Variants in IFT46 observed in about 807,000 individuals in gnomAD.
The protein encoded by IFT46 is intraflagellar transport protein 46 homolog.
In IFT46, 19 loss-of-function variants were observed where a neutral mutation model predicts 39.6. That is an observed-to-expected ratio of 0.48 (90% CI 0.33 to 0.70). IFT46 has a LOEUF of 0.70. IFT46 is among the 30% of genes least tolerant of loss of function. The pLI, the probability that IFT46 is intolerant of heterozygous loss-of-function variation, is 0.01. For synonymous variants in IFT46, 117 were observed against 134.8 expected, an observed-to-expected ratio of 0.87 and a Z score of 0.91; for missense variants, 334 against 364.8, an observed-to-expected ratio of 0.92 and a Z score of 0.69.
At chr11:118,557,946 A>G (rs1467740110) in intron 3 of IFT46, 12 of 1,467,278 alleles carry the variant, frequency 8.2e-6, no homozygotes, top group Middle Eastern at 1.8e-4. Flanking sequence ...CTTGGTTTCT[A>G]TATACCGTAT....
At position 118,556,914 on chromosome 11, in the gene IFT46, A is replaced by G. The variant is rs1937855693; in HGVS notation, c.177T>C (p.Pro59=). Residue 59 remains proline (P), a synonymous_variant, in exon 4 of 12, where the codon CCT becomes CCC. Transcript: ENST00000264021. ...SDDDDEEHGA[P]LEGAYDPADY... ...GGGTGTTCTTTCCTCACCCTTCCAG[A>G]GGGGCTCCATGCTCTTCATCATCAT... The G allele has an allele frequency of 6.2e-7, 1 of 1,601,776 alleles. No individual in the cohort carries two copies. The highest frequency in any genetic ancestry group is 2.2e-5 in the East Asian group (1 of 44,460).
At position 118,555,093 on chromosome 11, in the gene IFT46, A is replaced by G; in HGVS notation, c.261-10T>C. On this transcript the variant is annotated splice_polypyrimidine_tract_variant and intron_variant, in intron 5 of 11. Transcript: ENST00000264021. ...CAACTGAGGTGTGTACCTAGGAGAT[A>G]TTGCCAAGGGAAGGTGGAGACAGTC... The G allele has an allele frequency of 6.2e-7, 1 of 1,603,530 alleles. No homozygotes were observed. The highest frequency in any genetic ancestry group is 8.5e-7 in the Non-Finnish European group (1 of 1,170,398).
chr11:118,576,435 A>AC (rs1565357841), upstream of IFT46, among the ~76,000 whole-genome samples: 131 of 143,538 alleles, frequency 9.1e-4, 2 homozygotes, highest in African/African-American at 3.1e-3. Context: ...TTAAAAAAAA[A>AC]AAAAAAAAAA....
intron 2 of IFT46, chr11:118,561,203 G>C: frequency 7.3e-7 from 1 of 1,376,096 alleles, no homozygotes; most frequent in Non-Finnish European, 1.0e-6. Context: ...AGGCTTGTCT[G>C]TCCCTCACAG....
At chr11:118,551,987 G>T in intron 8 of IFT46, 135 bp from the exon 9 acceptor site, 2 of 1,041,222 alleles carry the variant, frequency 1.9e-6, no homozygotes, top group Non-Finnish European at 2.9e-6. Context: ...ACCTAGACTG[G>T]GCATACCAAA....
Position 118,560,574 on chromosome 11 carries a change from T to C in IFT46, c.-35-710A>G, listed in dbSNP as rs547266230. On this transcript the variant is annotated intron_variant, in intron 2 of 11. Transcript: ENST00000264021. Reference sequence around the variant, plus strand: ...AGTAAAGTACAGAGTGCTGAATTCATACTAAGAGTGGGTTTGAAGAAAAAT... The same window carrying C: ...AGTAAAGTACAGAGTGCTGAATTCACACTAAGAGTGGGTTTGAAGAAAAAT... 3.4e-5 allele frequency: 11 copies of C among 322,462 alleles called. 1 individual carries two copies. The South Asian group carries it at 3.4e-4, about 10-fold the overall frequency. 20.0% of individuals were successfully genotyped at this position (322,462 alleles called of 1,614,324 possible). A position where few individuals can be genotyped will look rare whatever the true frequency, so the allele number is the denominator to read the frequency against.
chr11:118,557,893 G>A, intron 3 of IFT46: 4 of 1,576,924 alleles, frequency 2.5e-6, no homozygotes, highest in South Asian at 2.3e-5. Context: ...CTTAGGACCT[G>A]AAGGATGACC....
chr11:118,550,259 A>G (rs1435949940), intron 9 of IFT46, among the ~76,000 whole-genome samples: 4 of 152,214 alleles, frequency 2.6e-5, no homozygotes, highest in Non-Finnish European at 4.4e-5. Flanking sequence ...CCCGGCCTCA[A>G]TATGACTTTT....
At position 118,561,139 on chromosome 11, in the gene IFT46, C is replaced by T. The variant is rs557318548; in HGVS notation, c.-35-1275G>A. 2.0e-6 allele frequency: 3 copies of T among 1,468,130 alleles called. No homozygotes were observed. In the South Asian group the frequency reaches 3.4e-5, roughly 17 times the overall value. 90.9% of individuals were successfully genotyped at this position (1,468,130 alleles called of 1,614,324 possible). A position where few individuals can be genotyped will look rare whatever the true frequency, so the allele number is the denominator to read the frequency against. On this transcript the variant is annotated intron_variant, in intron 2 of 11. Transcript: ENST00000264021. ...CCTGCTATTTGGATACAGGTCTTGC[C>T]AGAACTACCACTGGCAATAAAGTTT...
In IFT46 at chr11:118,572,679, C is replaced by T. The variant is rs536925133; in HGVS notation, c.-216G>A. ...TAGGGCAGAGTGCTTTTGCTCCGGG[C>T]TCGGGGAGCAGTGTGGCCTCCTGTG... On this transcript the variant is annotated 5_prime_UTR_variant, in exon 1 of 6. Transcript: ENST00000528378. 306 of 1,233,624 alleles carry T rather than the reference C, an allele frequency of 2.5e-4. No individual in the cohort carries two copies. In the African/African-American group the frequency reaches 4.2e-3, roughly 17 times the overall value. The allele number at this position is 1,233,624 out of a possible 1,614,324, so 76.4% of individuals were successfully genotyped here. A position where few individuals can be genotyped will look rare whatever the true frequency, so the allele number is the denominator to read the frequency against.
intron 9 of IFT46, among the ~76,000 whole-genome samples, chr11:118,549,436 T>C (rs934919572): frequency 1.3e-5 from 2 of 151,936 alleles, no homozygotes; most frequent in Non-Finnish European, 2.9e-5. Context: ...CTCAGACTGC[T>C]ACTGTCTTTT....
At chr11:118,569,318 C>A (rs1555072048), upstream of IFT46, among the ~76,000 whole-genome samples, 4 of 151,058 alleles carry the variant, frequency 2.6e-5, no homozygotes, top group South Asian at 6.3e-4. Flanking sequence ...ATTGACTGGG[C>A]TCAGTGGCTC....
At chr11:118,546,235 C>T (rs1292356340) in intron 9 of IFT46, 15 of 710,742 alleles carry the variant, frequency 2.1e-5, no homozygotes, top group South Asian at 1.4e-4. Flanking sequence ...GGTGGCTTCA[C>T]GCCTGTAATA....
chr11:118,572,364 T>A, intron 1 of IFT46: 4 of 13,944 alleles, frequency 2.9e-4, no homozygotes, highest in East Asian at 3.8e-3. Flanking sequence ...CCCCCCGCCC[T>A]TTGACCTGCG....
intron 10 of IFT46, 100 bp downstream of exon 10, chr11:118,545,693 G>T: frequency 1.5e-6 from 2 of 1,354,004 alleles, no homozygotes; most frequent in Non-Finnish European, 2.1e-6. Context: ...AGTGAAGGCT[G>T]AAACTCAAGA....
chr11:118,557,491 A>T (rs544202449), intron 3 of IFT46: 32 of 498,488 alleles, frequency 6.4e-5, no homozygotes, highest in Middle Eastern at 1.1e-3. Context: ...CTAATACTTA[A>T]TTTGCAAGAC....
upstream of IFT46, among the ~76,000 whole-genome samples, chr11:118,567,520 G>A (rs1322398133): frequency 6.6e-6 from 1 of 151,964 alleles, no homozygotes; most frequent in African/African-American, 2.4e-5. Flanking sequence ...AGGTTGTGGT[G>A]AGCCGAGATC....
At chr11:118,571,265 TGTCA>T (rs1311464305) in intron 1 of IFT46, among the ~76,000 whole-genome samples, 2 of 152,252 alleles carry the variant, frequency 1.3e-5, no homozygotes, top group Non-Finnish European at 1.5e-5. Context: ...TATTGTAGCA[TGTCA>T]GTACTTTATT....
upstream of IFT46, among the ~76,000 whole-genome samples, chr11:118,570,577 G>A (rs1382999596): frequency 1.3e-5 from 2 of 152,066 alleles, no homozygotes; most frequent in East Asian, 1.9e-4. Flanking sequence ...AGTGCTGTTC[G>A]GTTGAGCTAA....
Sources: allele counts gnomAD v4.1 joint callset (sites outside exome capture counted in the v4.1 genomes callset), GRCh38; gene constraint gnomAD v4.1.1; transcripts MANE v1.5; gene names NCBI Gene and HGNC (gene_info 2026-07-23, HGNC 2026-07-21).